The following ST3GAL6 variants were observed in gnomAD, a reference collection of about 807,000 sequenced individuals.
ST3GAL6 encodes type 2 lactosamine alpha-2,3-sialyltransferase.
Under a neutral mutation model 40.5 loss-of-function variants are expected in ST3GAL6, and 31 were observed. The observed-to-expected ratio is 0.77, with a 90% CI of 0.58 to 1.03. The LOEUF is 1.03. Ranked by LOEUF, ST3GAL6 falls within the 50% of genes least tolerant of loss-of-function variation. The probability of loss-of-function intolerance (pLI) is 0.00; values close to 1 mark genes in which losing one functional copy is unlikely to be tolerated. For missense variants in ST3GAL6, 357 were observed against 393.2 expected (o/e 0.91, Z 0.78); for synonymous variants, 129 against 136.9 (o/e 0.94, Z 0.40).
intron 6 of ST3GAL6, among the ~76,000 whole-genome samples, chr3:98,785,950 G>A (rs1380216959): frequency 6.6e-6 from 1 of 152,132 alleles, no homozygotes; most frequent in Non-Finnish European, 1.5e-5. Context: ...TAGATGTGAA[G>A]AGTAATGAGA....
At chr3:98,755,228 A>G (rs1342957904) in intron 1 of ST3GAL6, among the ~76,000 whole-genome samples, 1 of 152,008 alleles carries the variant, frequency 6.6e-6, no homozygotes, top group East Asian at 1.9e-4. Context: ...TTGTCTTTTT[A>G]GTAGAGACTG....
chr3:98,788,004 T>G (rs780988162), intron 6 of ST3GAL6, 32 bp from the exon 7 acceptor site: 1 of 1,583,712 alleles, frequency 6.3e-7, no homozygotes, highest in Non-Finnish European at 8.6e-7. Context: ...CTGCACTTGG[T>G]CTACATATCT....
At chr3:98,748,484 G>T (rs1936728775) in intron 1 of ST3GAL6, among the ~76,000 whole-genome samples, 1 of 152,012 alleles carries the variant, frequency 6.6e-6, no homozygotes, top group Admixed American at 6.6e-5. Flanking sequence ...TTATTTTTTT[G>T]AGACAGAGTC....
chr3:98,743,799 A>G (rs1171469119), intron 1 of ST3GAL6, among the ~76,000 whole-genome samples: 1 of 152,034 alleles, frequency 6.6e-6, no homozygotes, highest in Non-Finnish European at 1.5e-5. Flanking sequence ...CACATTAATT[A>G]GCGCCTGGTA....
chr3:98,747,453 T>A (rs1254309421), intron 1 of ST3GAL6, among the ~76,000 whole-genome samples: 1 of 152,188 alleles, frequency 6.6e-6, no homozygotes, highest in African/African-American at 2.4e-5. Flanking sequence ...TAGAAAAAAA[T>A]TCTATTTAAA....
chr3:98,782,049 C>T (rs888755952), intron 5 of ST3GAL6: 15 of 588,672 alleles, frequency 2.5e-5, no homozygotes, highest in Non-Finnish European at 4.2e-5. Context: ...CAATAATACC[C>T]TGAGAGGAAA....
At chr3:98,791,439 C>G (rs1941199508) in intron 8 of ST3GAL6, among the ~76,000 whole-genome samples, 1 of 152,162 alleles carries the variant, frequency 6.6e-6, no homozygotes, top group East Asian at 1.9e-4. Context: ...GTGAATGAAG[C>G]TGTCCTTATA....
intron 9 of ST3GAL6, among the ~76,000 whole-genome samples, chr3:98,792,840 C>A (rs1393498229): frequency 6.6e-6 from 1 of 151,954 alleles, no homozygotes; most frequent in African/African-American, 2.4e-5. Context: ...ATTTACTTGA[C>A]TGGGAAGGAG....
upstream of ST3GAL6, chr3:98,763,256 C>A: frequency 8.0e-7 from 1 of 1,246,734 alleles, no homozygotes; most frequent in Non-Finnish European, 1.0e-6. Context: ...ATTATAATCA[C>A]AAATTGAGTA....
At chr3:98,752,532 C>T (rs4638909) in intron 1 of ST3GAL6, among the ~76,000 whole-genome samples, 42,452 of 151,714 alleles carry the variant, frequency 0.28, 6,306 homozygotes, top group Admixed American at 0.4. Flanking sequence ...AGCGCAGTGA[C>T]GCCATCTTGG....
At chr3:98,765,416 C>T (rs1022022202) in intron 1 of ST3GAL6, among the ~76,000 whole-genome samples, 1 of 152,140 alleles carries the variant, frequency 6.6e-6, no homozygotes, top group Admixed American at 6.5e-5. Context: ...ATCAAGAAGA[C>T]AACACCTGCA....
chr3:98,787,472 A>T (rs972277349), intron 6 of ST3GAL6, among the ~76,000 whole-genome samples: 1 of 152,232 alleles, frequency 6.6e-6, no homozygotes, highest in Non-Finnish European at 1.5e-5. Context: ...ACCCAACAGT[A>T]GATCCTTTGT....
In ST3GAL6 at chr3:98,770,886, C is replaced by T. The variant is rs770315705; in HGVS notation, c.97C>T (p.Pro33Ser). 4 of 1,614,026 alleles carry T rather than the reference C, an allele frequency of 2.5e-6. No individual in the cohort carries two copies. Among genetic ancestry groups the T allele is most frequent in the South Asian group, 1.1e-5 (1 of 91,072 alleles). Reference protein sequence around the residue: ...LWGTNVYWVAPVEMKRRNKIQ... With the variant: ...LWGTNVYWVASVEMKRRNKIQ... ...ATTATTTTTGTCTCATAGGGTGGCACCTGTGGAAATGAAACGGAGAAATAA... is the reference window on the plus strand; with the variant it reads ...ATTATTTTTGTCTCATAGGGTGGCATCTGTGGAAATGAAACGGAGAAATAA... The change falls in exon 3 of 10, where the codon CCT becomes TCT. Residue 33 changes from proline to serine, a missense_variant. Transcript: ENST00000483910.
intron 5 of ST3GAL6, among the ~76,000 whole-genome samples, chr3:98,781,358 T>C (rs1019180747): frequency 6.6e-6 from 1 of 151,932 alleles, no homozygotes; most frequent in Non-Finnish European, 1.5e-5. Flanking sequence ...GGGATAGCAT[T>C]AGGAGAAATA....
At chr3:98,744,927 T>G (rs1260592782) in intron 1 of ST3GAL6, among the ~76,000 whole-genome samples, 1 of 152,132 alleles carries the variant, frequency 6.6e-6, no homozygotes, top group African/African-American at 2.4e-5. Context: ...AATTAGACTT[T>G]GGTTAGTAAT....
At chr3:98,733,032 G>A (rs1559713968) in intron 1 of ST3GAL6, 2 of 1,431,722 alleles carry the variant, frequency 1.4e-6, no homozygotes, top group Middle Eastern at 2.3e-4. Flanking sequence ...TTGGGGGTGC[G>A]GGAAGACCGG....
chr3:98,772,804 T>G lies in ST3GAL6; in HGVS notation c.168-9T>G, dbSNP rs1939136482. On this transcript the variant is annotated splice_polypyrimidine_tract_variant and intron_variant, in intron 3 of 9. Coordinates refer to ENST00000483910, the MANE Select transcript of ST3GAL6 (RefSeq NM_001323368.2). ...TTTGGCAAAATCATTCTTTATCCTT[T>G]CCTTCCAGGTTTCATCAGTTTCACC... 1.2e-6 allele frequency: 2 copies of G among 1,604,972 alleles called. No homozygotes were observed. Among genetic ancestry groups the G allele is most frequent in the Non-Finnish European group, 1.7e-6 (2 of 1,172,432 alleles).
rs563784488 is a variant in ST3GAL6, at chr3:98,791,091, A to G, written c.757-750A>G. On this transcript the variant is annotated intron_variant, in intron 8 of 9. Transcript: ENST00000483910. ...GTGTTATGTAAAAAGCTTAAGATGT[A>G]TCTTGTTTTTCGCTTTGAAGGCCAT... 7.9e-5 allele frequency among the ~76,000 whole-genome samples: 12 copies of G among 152,288 alleles called. No individual in the cohort carries two copies. In the East Asian group the frequency reaches 2.3e-3, roughly 29 times the overall value.
chr3:98,787,178 G>A (rs1940809068), intron 6 of ST3GAL6, among the ~76,000 whole-genome samples: 1 of 152,000 alleles, frequency 6.6e-6, no homozygotes. Flanking sequence ...AAACAATTTT[G>A]AAGCAATCAC....
Sources: allele counts gnomAD v4.1 joint callset (sites outside exome capture counted in the v4.1 genomes callset), GRCh38; gene constraint gnomAD v4.1.1; transcripts MANE v1.5; gene names NCBI Gene and HGNC (gene_info 2026-07-23, HGNC 2026-07-21).